The following AGBL4 variants were observed in gnomAD, a reference collection of about 807,000 sequenced individuals.
AGBL4 encodes the protein cytosolic carboxypeptidase 6.
Under a neutral mutation model 66.4 loss-of-function variants are expected in AGBL4, and 58 were observed. That is an observed-to-expected ratio of 0.87 (90% confidence interval 0.71 to 1.09). The LOEUF is 1.09. Among genes scored for constraint, AGBL4 ranks in the 50% least tolerant of loss-of-function variants. The pLI, the probability that AGBL4 is intolerant of heterozygous loss-of-function variation, is 0.00. For synonymous variants in AGBL4, 234 were observed against 222.9 expected, an observed-to-expected ratio of 1.05 and a Z score of -0.44; for missense variants, 579 against 631.0, an observed-to-expected ratio of 0.92 and a Z score of 0.88.
intron 2 of AGBL4, among the ~76,000 whole-genome samples, chr1:49,825,544 T>C (rs1036016474): frequency 2.0e-5 from 3 of 152,246 alleles, no homozygotes; most frequent in African/African-American, 7.2e-5. Context: ...CCAAAATATG[T>C]GATCAAATCT....
chr1:49,899,281 A>G lies in AGBL4; in HGVS notation c.35-47763T>C, dbSNP rs1039730191. Among the ~76,000 whole-genome samples the G allele has an allele frequency of 4.6e-5, 7 of 152,234 alleles. No homozygotes were observed. The East Asian group carries it at 1.4e-3, about 29-fold the overall frequency. The stretch of plus-strand genomic sequence containing the variant: ...ACTATGTGTCCACAAAAATAAAAAA[A>G]AAATTAAAATAATGAATAAGACACC... On this transcript the variant is annotated intron_variant, in intron 1 of 13. Transcript: ENST00000371839.
intron 1 of AGBL4, among the ~76,000 whole-genome samples, chr1:50,002,812 G>A (rs1224834927): frequency 6.6e-6 from 1 of 152,082 alleles, no homozygotes; most frequent in African/African-American, 2.4e-5. Flanking sequence ...ATGCATTACA[G>A]GATGCTAAGA....
At chr1:48,601,846 G>C (rs1645077905) in intron 9 of AGBL4, among the ~76,000 whole-genome samples, 1 of 152,040 alleles carries the variant, frequency 6.6e-6, no homozygotes, top group Admixed American at 6.6e-5. Context: ...GCTCAGTTCT[G>C]TATTGAAAGT....
chr1:49,247,077 T>C (rs1481925353), intron 3 of AGBL4, among the ~76,000 whole-genome samples: 1 of 152,058 alleles, frequency 6.6e-6, no homozygotes, highest in Non-Finnish European at 1.5e-5. Context: ...TACTAGTAGA[T>C]GACAGAATTG....
intron 2 of AGBL4, among the ~76,000 whole-genome samples, chr1:49,848,596 T>A (rs1197444352): frequency 6.6e-6 from 1 of 152,140 alleles, no homozygotes; most frequent in African/African-American, 2.4e-5. Flanking sequence ...CATTTATAAG[T>A]GAGAGCTAAA....
At chr1:49,317,351 G>A (rs1313764510) in intron 3 of AGBL4, among the ~76,000 whole-genome samples, 7 of 151,790 alleles carry the variant, frequency 4.6e-5, no homozygotes, top group East Asian at 3.9e-4. Context: ...TGTCGAATGC[G>A]AATATTTTGT....
intron 1 of AGBL4, among the ~76,000 whole-genome samples, chr1:50,014,263 T>TCA (rs1661768670): frequency 6.6e-6 from 1 of 151,548 alleles, no homozygotes; most frequent in Non-Finnish European, 1.5e-5. Flanking sequence ...CCCAGCTACT[T>TCA]GGGAGGCTGA....
intron 5 of AGBL4, among the ~76,000 whole-genome samples, chr1:48,992,716 T>C (rs1460824978): frequency 6.6e-6 from 1 of 152,124 alleles, no homozygotes; most frequent in Non-Finnish European, 1.5e-5. Context: ...CTTCCCATCC[T>C]TCCCTCCCCT....
chr1:49,334,629 C>G (rs1185697527), intron 3 of AGBL4, among the ~76,000 whole-genome samples: 1 of 152,104 alleles, frequency 6.6e-6, no homozygotes, highest in Non-Finnish European at 1.5e-5. Flanking sequence ...AGAAATTAAA[C>G]CCATAGGCTG....
At chr1:49,553,555 C>CA (rs898014234) in intron 3 of AGBL4, among the ~76,000 whole-genome samples, 1 of 152,116 alleles carries the variant, frequency 6.6e-6, no homozygotes, top group African/African-American at 2.4e-5. Flanking sequence ...GTCTTCTTGC[C>CA]ACCCTCCAGG....
intron 5 of AGBL4, among the ~76,000 whole-genome samples, chr1:48,932,631 C>T (rs1199800153): frequency 1.3e-5 from 2 of 152,120 alleles, no homozygotes; most frequent in African/African-American, 4.8e-5. Flanking sequence ...AATGAAGCAT[C>T]TCATAAATTG....
intron 5 of AGBL4, among the ~76,000 whole-genome samples, chr1:48,990,253 G>A (rs1660503866): frequency 6.6e-6 from 1 of 151,820 alleles, no homozygotes; most frequent in Non-Finnish European, 1.5e-5. Context: ...TTCCTATAGA[G>A]TTGTTTGAGC....
intron 2 of AGBL4, among the ~76,000 whole-genome samples, chr1:49,814,408 T>A (rs1462364576): frequency 6.6e-6 from 1 of 152,100 alleles, no homozygotes; most frequent in East Asian, 1.9e-4. Context: ...CTTACTTGTA[T>A]CCACTATCAC....
chr1:49,317,208 T>C (rs1481609685), intron 3 of AGBL4, among the ~76,000 whole-genome samples: 1 of 151,936 alleles, frequency 6.6e-6, no homozygotes, highest in African/African-American at 2.4e-5. Flanking sequence ...TTTTCAATGA[T>C]TTCTACAAAT....
chr1:49,428,121 G>A (rs539763295), intron 3 of AGBL4, among the ~76,000 whole-genome samples: 38 of 152,272 alleles, frequency 2.5e-4, no homozygotes, highest in South Asian at 2.3e-3. Context: ...CCACCCAGGA[G>A]CCCAGCTGGC....
intron 6 of AGBL4, among the ~76,000 whole-genome samples, chr1:48,771,009 A>G (rs1052990463): frequency 6.6e-6 from 1 of 152,196 alleles, no homozygotes; most frequent in African/African-American, 2.4e-5. Flanking sequence ...CTTGGGTAAA[A>G]CAAAAATCTC....
intron 3 of AGBL4, among the ~76,000 whole-genome samples, chr1:49,607,443 C>T (rs142274282): frequency 6.6e-6 from 1 of 152,250 alleles, no homozygotes; most frequent in Non-Finnish European, 1.5e-5. Context: ...ATGAGCCCTG[C>T]ATATTCATCA....
chr1:49,773,396 G>T (rs766207094), intron 2 of AGBL4, among the ~76,000 whole-genome samples: 1 of 152,084 alleles, frequency 6.6e-6, no homozygotes, highest in Non-Finnish European at 1.5e-5. Context: ...TCTGCACATC[G>T]AGTGGAAGTG....
chr1:49,641,205 C>T (rs1465767580), intron 3 of AGBL4, among the ~76,000 whole-genome samples: 2 of 151,998 alleles, frequency 1.3e-5, no homozygotes, highest in Non-Finnish European at 2.9e-5. Flanking sequence ...TAAAGGAGAA[C>T]CAAAGTGGGA....
Sources: allele counts gnomAD v4.1 joint callset (sites outside exome capture counted in the v4.1 genomes callset), GRCh38; gene constraint gnomAD v4.1.1; transcripts MANE v1.5; gene names NCBI Gene and HGNC (gene_info 2026-07-23, HGNC 2026-07-21).